Variants in DBH observed in about 807,000 individuals in gnomAD.
DBH encodes dopamine beta-hydroxylase (dopamine beta-monooxygenase).
DBH carries 49 observed loss-of-function variants against 64.0 expected under a neutral mutation model. The observed-to-expected ratio is 0.77, with a 90% CI of 0.61 to 0.97. The LOEUF (loss-of-function observed/expected upper bound fraction) is 0.97. DBH is among the 50% of genes least tolerant of loss of function. The pLI, the probability that DBH is intolerant of heterozygous loss-of-function variation, is 0.00. For missense variants in DBH, 828 were observed against 826.6 expected (o/e 1.00, Z -0.02); for synonymous variants, 343 against 347.1 (o/e 0.99, Z 0.13).
intron 11 of DBH, among the ~76,000 whole-genome samples, chr9:133,657,489 G>A (rs2131296441): frequency 6.8e-6 from 1 of 147,282 alleles, no homozygotes; most frequent in Non-Finnish European, 1.5e-5. Flanking sequence ...GGAGAGAGGA[G>A]AGAGAGAGGA....
chr9:133,643,120 T>C lies in DBH; in HGVS notation c.745-293T>C, dbSNP rs574853836. ...ACCTCAGGGCTGCCCTGCCTCCCAC[T>C]GGGGCTGCAGGAGCTGGCCCGGCCA... On this transcript the variant is annotated intron_variant, in intron 3 of 11. Transcript: ENST00000393056. The surrounding 1 kb of genome is among the most constrained non-coding windows in gnomAD (Gnocchi z 5.3). 1.8e-4 allele frequency among the ~76,000 whole-genome samples: 27 copies of C among 152,216 alleles called. No individual in the cohort carries two copies. Among genetic ancestry groups the C allele is most frequent in the African/African-American group, 5.3e-4 (22 of 41,542 alleles).
In DBH at chr9:133,636,444, G is replaced by A. The variant is rs2131281112; in HGVS notation, c.73G>A (p.Ala25Thr). ...GGAGGCAGCCTTCATGTACAGCACAGCAGTGGCCATCTTCCTGGTCATCCT... is the reference window on the plus strand; with the variant it reads ...GGAGGCAGCCTTCATGTACAGCACAACAGTGGCCATCTTCCTGGTCATCCT... ...MREAAFMYST[A>T]VAIFLVILVA... The change falls in exon 1 of 12, where the codon GCA (alanine) becomes ACA (threonine). Residue 25 changes from alanine (A) to threonine (T), a missense_variant. Ala to Thr is a moderately conservative substitution (Grantham distance 58, BLOSUM62 0). Transcript: ENST00000393056. 2 of 1,612,812 alleles carry A rather than the reference G, an allele frequency of 1.2e-6. No individual in the cohort carries two copies. The highest frequency in any genetic ancestry group is 1.6e-4 in the Middle Eastern group (1 of 6,062).
chr9:133,639,092 G>T (rs1832086174), intron 1 of DBH, among the ~76,000 whole-genome samples: 1 of 152,054 alleles, frequency 6.6e-6, no homozygotes, highest in Non-Finnish European at 1.5e-5. Context: ...TAGGCTGCAG[G>T]GTTTAAAGTG....
intron 10 of DBH, 141 bp downstream of exon 10, chr9:133,656,791 C>A: frequency 8.7e-7 from 1 of 1,155,202 alleles, no homozygotes. Flanking sequence ...TCACCCCTCC[C>A]CTCACTCGTT....
In DBH at chr9:133,657,429, GAGAGGAGAGAGAGGA is replaced by G. The variant is rs1321216046; in HGVS notation, c.1722+201_1722+215del. 2.0e-3 allele frequency: 957 copies of G among 479,888 alleles called. 5 individuals carry two copies. The highest frequency in any genetic ancestry group is 0.019 in the African/African-American group (837 of 43,076). The allele number at this position is 479,888 out of a possible 1,614,324, so 29.7% of individuals were successfully genotyped here. On this transcript the variant is annotated intron_variant, in intron 11 of 11. Transcript: ENST00000393056. ...GAGAGGAGAGAGGAGAGAGAGGAGAGAGAGGAGAGAGAGGAGAGAGAGGAGAGAGGGAGAGGGAGA... is the reference window on the plus strand; with the variant it reads ...GAGAGGAGAGAGGAGAGAGAGGAGAGGAGAGAGGAGAGAGGGAGAGGGAGA...
At chr9:133,652,913 C>T in intron 8 of DBH, 27 bp from the exon 9 acceptor site, 1 of 1,602,862 alleles carries the variant, frequency 6.2e-7, no homozygotes, top group Non-Finnish European at 8.5e-7. Flanking sequence ...GTGGCAGGTG[C>T]TGATGGTCAC....
intron 9 of DBH, among the ~76,000 whole-genome samples, chr9:133,654,248 C>T (rs1366293274): frequency 2.0e-5 from 3 of 152,146 alleles, no homozygotes; most frequent in African/African-American, 7.2e-5. Flanking sequence ...GGACTACAGG[C>T]ACCCACCACC....
rs75287167 is a variant in DBH, at chr9:133,638,297, G to A, written c.340-1549G>A. 4.6e-5 allele frequency among the ~76,000 whole-genome samples: 7 copies of A among 152,342 alleles called. No homozygotes were observed. The East Asian group carries it at 5.8e-4, about 13-fold the overall frequency. Reference sequence around the variant, plus strand: ...AAAATGAGTCTCTCGGCAAACCAGCGGTGTCCCCAGCGGGGTTGCATTGTG... The same window carrying A: ...AAAATGAGTCTCTCGGCAAACCAGCAGTGTCCCCAGCGGGGTTGCATTGTG... On this transcript the variant is annotated intron_variant, in intron 1 of 11. Coordinates refer to ENST00000393056, the MANE Select transcript of DBH (RefSeq NM_000787.4).
At chr9:133,656,973 G>A (rs1364550492) in intron 10 of DBH, 97 bp from the exon 11 acceptor site, 5 of 1,409,740 alleles carry the variant, frequency 3.5e-6, no homozygotes, top group Non-Finnish European at 5.0e-6. Flanking sequence ...GGTTGCCCCA[G>A]GGACAGGACT....
In DBH at chr9:133,643,646, C is replaced by T. The variant is rs1165415468; in HGVS notation, c.921+57C>T. The stretch of plus-strand genomic sequence containing the variant: ...CCTGCCTGGGCCCCTGGCATCCCCA[C>T]ACCTCTGTTTCCCCAGCTTCACCGT... On this transcript the variant is annotated intron_variant, in intron 4 of 11. Transcript: ENST00000393056. This position sits in a 1 kb window ranked among gnomAD's most constrained non-coding sequence, Gnocchi z 5.3. 6.3e-7 allele frequency: 1 copy of T among 1,587,158 alleles called. No homozygotes were observed. The highest frequency in any genetic ancestry group is 1.3e-5 in the African/African-American group (1 of 74,346).
chr9:133,639,218 C>A (rs1201132028), intron 1 of DBH, among the ~76,000 whole-genome samples: 1 of 118,592 alleles, frequency 8.4e-6, no homozygotes, highest in Non-Finnish European at 1.8e-5. Context: ...CATAGCGAGA[C>A]CCTATCTCAA....
chr9:133,651,913 C>G (rs1484105871), intron 7 of DBH, 136 bp downstream of exon 7: 5 of 924,692 alleles, frequency 5.4e-6, no homozygotes, highest in South Asian at 1.6e-5. Context: ...ACCCGCCCCC[C>G]ACCCATGTGG....
Position 133,638,650 on chromosome 9 carries a change from T to C in DBH, c.340-1196T>C, listed in dbSNP as rs541077532. 1.1e-4 allele frequency among the ~76,000 whole-genome samples: 16 copies of C among 152,180 alleles called. No homozygotes were observed. In the South Asian group the frequency reaches 3.1e-3, roughly 30 times the overall value. ...CAGGTGGAGGAGGTAGCTAGGGATA[T>C]GGGCTTGGTGTGGGTCGGAATGTTA... On this transcript the variant is annotated intron_variant, in intron 1 of 11. Coordinates refer to ENST00000393056, the MANE Select transcript of DBH (RefSeq NM_000787.4).
chr9:133,638,695 C>T (rs3025389), intron 1 of DBH, among the ~76,000 whole-genome samples: 4 of 152,086 alleles, frequency 2.6e-5, no homozygotes, highest in Admixed American at 6.5e-5. Flanking sequence ...TTCTCACACA[C>T]GTGTGAATGT....
At chr9:133,650,202 C>T (rs572237350) in intron 6 of DBH, among the ~76,000 whole-genome samples, 1 of 152,210 alleles carries the variant, frequency 6.6e-6, no homozygotes, top group Admixed American at 6.5e-5. Context: ...AAGCTATAGG[C>T]GACGGCAAGG....
In DBH at chr9:133,642,326, C is replaced by G; in HGVS notation, c.606C>G (p.Ile202Met). The G allele has an allele frequency of 6.2e-7, 1 of 1,614,164 alleles. No individual in the cohort carries two copies. The highest frequency in any genetic ancestry group is 8.5e-7 in the Non-Finnish European group (1 of 1,180,018). ...LQRVQLLKPN[I>M]PEPELPSDAC... ...GGGTGCAGCTCCTGAAGCCCAATAT[C>G]CCCGAACCGGAGTTGCCCTCAGACG... Residue 202 changes from isoleucine (I) to methionine (M), a missense_variant, in exon 3 of 12, where the codon ATC becomes ATG. Transcript: ENST00000393056.
rs1209958438 is a variant in DBH at position 133,659,006 on chromosome 9, T to TAAAC, written c.*561_*564dup. The TAAAC allele has an allele frequency of 6.6e-6, 1 of 152,088 alleles. No homozygotes were observed. The highest frequency in any genetic ancestry group is 1.5e-5 in the Non-Finnish European group (1 of 68,024). The allele number at this position is 152,088 out of a possible 1,614,324, so 9.4% of individuals were successfully genotyped here. A position where few individuals can be genotyped will look rare whatever the true frequency, so the allele number is the denominator to read the frequency against. Reference sequence around the variant, plus strand: ...CCTGGGAAATTGCTCCATTCCTGAGTAAACAGATATTTTCGCCCACCTAAA... The same window carrying TAAAC: ...CCTGGGAAATTGCTCCATTCCTGAGTAAACAAACAGATATTTTCGCCCACCTAAA... On this transcript the variant is annotated 3_prime_UTR_variant, in exon 12 of 12. Transcript: ENST00000393056.
Position 133,656,607 on chromosome 9 carries a change from G to T in DBH, c.1519G>T (p.Val507Leu). 2 of 1,613,506 alleles carry T rather than the reference G, an allele frequency of 1.2e-6. No individual in the cohort carries two copies. The highest frequency in any genetic ancestry group is 8.5e-7 in the Non-Finnish European group (1 of 1,180,018). Residue 507 changes from valine to leucine, a missense_variant, in exon 10 of 12, where the codon GTG becomes TTG. Physicochemically the swap from Val to Leu is conservative, Grantham distance 32. Transcript: ENST00000393056. ...QTQLELCKSA[V>L]DAGFLQKYFH... is the part of the protein sequence containing the mutation. The stretch of plus-strand genomic sequence containing the variant: ...GCAGCTGGAGCTCTGCAAGAGCGCT[G>T]TGGACGCCGGCTTCCTGCAGAAGTA...
chr9:133,658,579 G>T lies in DBH; in HGVS notation c.*132G>T. 2 of 1,060,838 alleles carry T rather than the reference G, an allele frequency of 1.9e-6. No homozygotes were observed. Among genetic ancestry groups the T allele is most frequent in the South Asian group, 3.8e-5 (2 of 52,930 alleles). 65.7% of individuals were successfully genotyped at this position (1,060,838 alleles called of 1,614,324 possible). A position where few individuals can be genotyped will look rare whatever the true frequency, so the allele number is the denominator to read the frequency against. On this transcript the variant is annotated 3_prime_UTR_variant, in exon 12 of 12. Transcript: ENST00000393056. ...GATGAAGGGGCCAGACCACGCCCCT[G>T]CCTGAGACCACGGTCCAATCCAGCC...
Sources: allele counts gnomAD v4.1 joint callset (sites outside exome capture counted in the v4.1 genomes callset), GRCh38; gene constraint gnomAD v4.1.1; non-coding constraint Gnocchi (gnomAD v3.1); transcripts MANE v1.5; gene names NCBI Gene and HGNC (gene_info 2026-07-23, HGNC 2026-07-21).